The following ZBBX variants were observed in gnomAD, a reference collection of about 807,000 sequenced individuals.
ZBBX encodes the protein zinc finger B-box domain-containing protein 1.
A neutral mutation model predicts 108.5 loss-of-function variants in ZBBX; 101 were observed. That is an observed-to-expected ratio of 0.93 (90% CI 0.79 to 1.10). ZBBX has a LOEUF of 1.10. ZBBX is among the 50% of genes least tolerant of loss of function. The pLI, the probability that ZBBX is intolerant of heterozygous loss-of-function variation, is 0.00. For missense variants in ZBBX, 1,009 were observed against 941.4 expected, an observed-to-expected ratio of 1.07 and a Z score of -0.94; for synonymous variants, 356 against 323.4, an observed-to-expected ratio of 1.10 and a Z score of -1.08.
chr3:167,281,569 G>A lies in ZBBX; in HGVS notation c.2254+669C>T, dbSNP rs1728819231. Among the ~76,000 whole-genome samples the A allele has an allele frequency of 1.3e-5, 2 of 152,154 alleles. 1 individual carries two copies. Among genetic ancestry groups the A allele is most frequent in the South Asian group, 4.1e-4 (2 of 4,822 alleles). On this transcript the variant is annotated intron_variant, in intron 20 of 21. Coordinates refer to ENST00000675490, the MANE Select transcript of ZBBX (RefSeq NM_001199201.2). The stretch of plus-strand genomic sequence containing the variant: ...CAAACTGTGTGAGTGCCTTTATAAT[G>A]CAAATAAAAGGATTAATTCCCCTGA...
In ZBBX at chr3:167,268,125, G is replaced by A. The variant is rs191477537; in HGVS notation, c.2254+14113C>T. On this transcript the variant is annotated intron_variant, in intron 20 of 21. Coordinates refer to ENST00000675490, the MANE Select transcript of ZBBX (RefSeq NM_001199201.2). The stretch of plus-strand genomic sequence containing the variant: ...ATGGAGTCAGCTCTGACTCTCTTCC[G>A]CTTGAGAGAGGTACCACAAGGAGGA... Among the ~76,000 whole-genome samples, 329 of 152,042 alleles carry A rather than the reference G, an allele frequency of 2.2e-3. 1 individual carries two copies. The highest frequency in any genetic ancestry group is 3.7e-3 in the Non-Finnish European group (253 of 68,000).
At chr3:167,322,299 C>A in intron 11 of ZBBX, 62 bp from the exon 12 acceptor site, 1 of 1,334,836 alleles carries the variant, frequency 7.5e-7, no homozygotes, top group Non-Finnish European at 9.8e-7. Flanking sequence ...ACTATATCTT[C>A]TCTTAAGATG....
chr3:167,197,172 C>A, the ZBBX span, among the ~76,000 whole-genome samples: 3 of 152,256 alleles, frequency 2.0e-5, no homozygotes, highest in Admixed American at 2.0e-4. Context: ...GCAAACCACT[C>A]AAAAAATGCT....
chr3:167,203,702 T>C, the ZBBX span, among the ~76,000 whole-genome samples: 1 of 152,188 alleles, frequency 6.6e-6, no homozygotes, highest in Non-Finnish European at 1.5e-5. Context: ...CCTATCTTTA[T>C]AAGCAATTAT....
At chr3:167,264,851 A>G (rs1725200081) in intron 20 of ZBBX, among the ~76,000 whole-genome samples, 1 of 152,118 alleles carries the variant, frequency 6.6e-6, no homozygotes, top group Non-Finnish European at 1.5e-5. Context: ...TGTGGCCTTG[A>G]CCACCCCTAG....
intron 1 of ZBBX, among the ~76,000 whole-genome samples, chr3:167,388,209 G>T (rs1747978113): frequency 6.6e-6 from 1 of 151,884 alleles, no homozygotes; most frequent in South Asian, 2.1e-4. Flanking sequence ...CAAAAGTCTG[G>T]AATGTTTCTA....
chr3:167,309,752 T>C (rs2108255771), intron 16 of ZBBX, among the ~76,000 whole-genome samples: 1 of 152,352 alleles, frequency 6.6e-6, no homozygotes, highest in South Asian at 2.1e-4. Flanking sequence ...GAGGGGATGC[T>C]GTGAGGATCT....
intron 4 of ZBBX, among the ~76,000 whole-genome samples, chr3:167,370,826 T>C (rs1393488653): frequency 6.6e-6 from 1 of 152,204 alleles, no homozygotes; most frequent in Non-Finnish European, 1.5e-5. Context: ...AGCAAAAATA[T>C]GTATGTTGCC....
At chr3:167,361,068 C>T (rs1439198179) in intron 6 of ZBBX, among the ~76,000 whole-genome samples, 2 of 152,006 alleles carry the variant, frequency 1.3e-5, no homozygotes, top group Non-Finnish European at 2.9e-5. Flanking sequence ...TATTTCTGCT[C>T]TTTCTGAGAC....
chr3:167,184,170 T>G, the ZBBX span, among the ~76,000 whole-genome samples: 1 of 152,312 alleles, frequency 6.6e-6, no homozygotes, highest in Non-Finnish European at 1.5e-5. Flanking sequence ...CATAAATAAC[T>G]TTCATTTATG....
the ZBBX span, among the ~76,000 whole-genome samples, chr3:167,223,289 T>G: frequency 6.6e-6 from 1 of 151,950 alleles, no homozygotes; most frequent in Non-Finnish European, 1.5e-5. Context: ...CCCCTTGAAG[T>G]GAAGGTCTTA....
At chr3:167,376,537 T>C (rs1746984980) in intron 2 of ZBBX, among the ~76,000 whole-genome samples, 6 of 152,186 alleles carry the variant, frequency 3.9e-5, no homozygotes, top group Admixed American at 3.9e-4. Flanking sequence ...GCTTACACAT[T>C]GAGATATACA....
intron 8 of ZBBX, among the ~76,000 whole-genome samples, chr3:167,354,333 TAAGTCAGGGACCATTTATATCGAAA>T (rs1577074096): frequency 1.3e-5 from 2 of 151,850 alleles, no homozygotes; most frequent in Non-Finnish European, 2.9e-5. Context: ...TGAAAAATGG[TAAGTCAGGGACCATTTATATCGAAA>T]AACCTTGATA....
chr3:167,296,095 G>A (rs748727324), intron 18 of ZBBX, among the ~76,000 whole-genome samples: 13 of 151,490 alleles, frequency 8.6e-5, no homozygotes, highest in South Asian at 2.1e-4. Context: ...AGGATGGTTC[G>A]GCATATGAAA....
At chr3:167,219,922 G>A in the ZBBX span, among the ~76,000 whole-genome samples, 1 of 151,920 alleles carries the variant, frequency 6.6e-6, no homozygotes, top group Non-Finnish European at 1.5e-5. Context: ...TAACATTACA[G>A]CCGATACTGC....
the ZBBX span, among the ~76,000 whole-genome samples, chr3:167,234,242 T>C: frequency 6.6e-6 from 1 of 151,902 alleles, no homozygotes. Flanking sequence ...TTATATTTGT[T>C]CTCTATGTAT....
chr3:167,241,053 G>A (rs565687065), intron 21 of ZBBX, 134 bp from the exon 22 acceptor site: 1 of 916,416 alleles, frequency 1.1e-6, no homozygotes, highest in East Asian at 2.9e-5. Context: ...TCAGACTGGG[G>A]CCATAATTTT....
At chr3:167,323,954 G>A (rs1049905424) in intron 11 of ZBBX, among the ~76,000 whole-genome samples, 7 of 151,944 alleles carry the variant, frequency 4.6e-5, no homozygotes, top group Non-Finnish European at 8.8e-5. Context: ...ACAAAACCAA[G>A]TTAAAAATCA....
At chr3:167,254,553 C>G (rs1723140596) in intron 20 of ZBBX, among the ~76,000 whole-genome samples, 1 of 151,786 alleles carries the variant, frequency 6.6e-6, no homozygotes, top group South Asian at 2.1e-4. Flanking sequence ...ATAATGATAG[C>G]AAATACAAAG....
Sources: allele counts gnomAD v4.1 joint callset (sites outside exome capture counted in the v4.1 genomes callset), GRCh38; gene constraint gnomAD v4.1.1; transcripts MANE v1.5; gene names NCBI Gene and HGNC (gene_info 2026-07-23, HGNC 2026-07-21).